Variants in STAG1 observed in about 807,000 individuals in gnomAD.
The protein encoded by STAG1 is STAG1 cohesin complex component.
Under a neutral mutation model 170.9 loss-of-function variants are expected in STAG1, and 26 were observed. That is an observed-to-expected ratio of 0.15 (90% confidence interval 0.11 to 0.21). The LOEUF (loss-of-function observed/expected upper bound fraction) is 0.21. Among genes scored for constraint, STAG1 ranks in the 10% least tolerant of loss-of-function variants. STAG1 has a pLI of 1.00. For missense variants in STAG1, 964 were observed against 1,509.5 expected, an observed-to-expected ratio of 0.64 and a Z score of 5.99; for synonymous variants, 514 against 497.7, an observed-to-expected ratio of 1.03 and a Z score of -0.44.
rs78473050 is a variant in STAG1, at chr3:136,690,111, T to C, written c.-83-59130A>G. Among the ~76,000 whole-genome samples the C allele has an allele frequency of 4.8e-3, 712 of 149,846 alleles. 6 individuals carry two copies. The highest frequency in any genetic ancestry group is 0.017 in the African/African-American group (694 of 40,564). On this transcript the variant is annotated intron_variant, in intron 1 of 33. Coordinates refer to ENST00000383202, the MANE Select transcript of STAG1 (RefSeq NM_005862.3). ...AAAAGAGAGAAAAAAGTCTAAGAGT[T>C]AGTCTAACCCTGAATGTCCAGGAAT...
chr3:136,649,067 T>C (rs940473101), intron 1 of STAG1, among the ~76,000 whole-genome samples: 4 of 152,224 alleles, frequency 2.6e-5, no homozygotes, highest in South Asian at 2.1e-4. Flanking sequence ...CTCTGTAATA[T>C]CAAATTATAT....
At chr3:136,427,847 A>ATTC (rs969073394) in intron 16 of STAG1, among the ~76,000 whole-genome samples, 6 of 152,148 alleles carry the variant, frequency 3.9e-5, no homozygotes, top group Non-Finnish European at 8.8e-5. Context: ...TATAATAACA[A>ATTC]CTTAAAGCCA....
intron 1 of STAG1, among the ~76,000 whole-genome samples, chr3:136,692,752 T>C (rs1277111098): frequency 6.6e-6 from 1 of 152,136 alleles, no homozygotes; most frequent in African/African-American, 2.4e-5. Flanking sequence ...AGAATAGAAG[T>C]CTTATAGGGG....
chr3:136,451,678 C>T (rs2088946660), intron 14 of STAG1, among the ~76,000 whole-genome samples: 1 of 151,776 alleles, frequency 6.6e-6, no homozygotes, highest in African/African-American at 2.4e-5. Flanking sequence ...CAGGACAAGC[C>T]CTTGAATCTG....
intron 2 of STAG1, among the ~76,000 whole-genome samples, chr3:136,625,737 A>C (rs1161095629): frequency 6.6e-6 from 1 of 152,162 alleles, no homozygotes; most frequent in Non-Finnish European, 1.5e-5. Context: ...ACCACTCCCC[A>C]TGATAATCTC....
rs149616246 is a variant in STAG1 at position 136,665,480 on chromosome 3, C to T, written c.-83-34499G>A. Among the ~76,000 whole-genome samples, 6 of 152,096 alleles carry T rather than the reference C, an allele frequency of 3.9e-5. No homozygotes were observed. The East Asian group carries it at 9.6e-4, about 24-fold the overall frequency. On this transcript the variant is annotated intron_variant, in intron 1 of 33. Coordinates refer to ENST00000383202, the MANE Select transcript of STAG1 (RefSeq NM_005862.3). ...GGTAGGTATGATATAATCAAACAGG[C>T]CTTTAGAAGTGAAAGAAGGCCAGGC... is the stretch of plus-strand genomic sequence containing the variant.
intron 5 of STAG1, among the ~76,000 whole-genome samples, chr3:136,553,919 G>A (rs1333885570): frequency 1.3e-5 from 2 of 152,128 alleles, no homozygotes; most frequent in Admixed American, 6.6e-5. Flanking sequence ...TAATTACAGT[G>A]ATTGTATTAA....
chr3:136,501,332 C>A (rs1933458477), intron 8 of STAG1, among the ~76,000 whole-genome samples: 1 of 151,780 alleles, frequency 6.6e-6, no homozygotes, highest in African/African-American at 2.4e-5. Context: ...CATTGAAGTT[C>A]TAACCCCTAG....
chr3:136,530,677 A>G (rs1016224373), intron 6 of STAG1, among the ~76,000 whole-genome samples: 1 of 152,230 alleles, frequency 6.6e-6, no homozygotes, highest in Non-Finnish European at 1.5e-5. Flanking sequence ...CAGTCAACGA[A>G]GAAATTAAGG....
intron 6 of STAG1, among the ~76,000 whole-genome samples, chr3:136,540,243 G>C (rs754499243): frequency 6.6e-6 from 1 of 150,588 alleles, no homozygotes; most frequent in Non-Finnish European, 1.5e-5. Context: ...AGATAAAATG[G>C]ATAGCCTCAA....
chr3:136,402,934 G>C (rs532575731), intron 21 of STAG1, among the ~76,000 whole-genome samples: 11 of 151,650 alleles, frequency 7.3e-5, no homozygotes, highest in Non-Finnish European at 1.5e-4. Context: ...GGAGGTATGA[G>C]GAATGACCTG....
intron 13 of STAG1, among the ~76,000 whole-genome samples, chr3:136,461,622 G>A (rs1051323841): frequency 2.6e-5 from 4 of 151,546 alleles, no homozygotes; most frequent in Admixed American, 6.6e-5. Flanking sequence ...GAAAACACTG[G>A]GGATTCTTAA....
chr3:136,637,677 T>C (rs962132619), intron 1 of STAG1, among the ~76,000 whole-genome samples: 1 of 152,150 alleles, frequency 6.6e-6, no homozygotes, highest in Non-Finnish European at 1.5e-5. Flanking sequence ...AGTATTCTCA[T>C]ACATCAAACT....
At chr3:136,613,334 A>AAAAAAAC (rs1442267102) in intron 3 of STAG1, among the ~76,000 whole-genome samples, 1 of 150,966 alleles carries the variant, frequency 6.6e-6, no homozygotes. Flanking sequence ...AAAAAAAAAA[A>AAAAAAAC]AGAAATCAGA....
intron 15 of STAG1, among the ~76,000 whole-genome samples, chr3:136,442,902 C>T (rs771381654): frequency 1.3e-5 from 2 of 152,034 alleles, no homozygotes; most frequent in African/African-American, 2.4e-5. Flanking sequence ...GGCATGTGCC[C>T]ATAGTCTGAG....
intron 4 of STAG1, among the ~76,000 whole-genome samples, chr3:136,599,702 T>C (rs887960093): frequency 2.0e-5 from 3 of 152,186 alleles, no homozygotes; most frequent in African/African-American, 7.2e-5. Context: ...GTCCAATAAA[T>C]GCCAATACTT....
Position 136,478,985 on chromosome 3 carries a change from A to G in STAG1, c.903-1573T>C, listed in dbSNP as rs114341835. ...AGTTACTATGAGAATAAAATCACTT[A>G]ATACAAATAGAAGACTTAGAATTCT... is the stretch of plus-strand genomic sequence containing the variant. On this transcript the variant is annotated intron_variant, in intron 9 of 33. Transcript: ENST00000383202. Among the ~76,000 whole-genome samples, 991 of 152,000 alleles carry G rather than the reference A, an allele frequency of 6.5e-3. 10 individuals are homozygous for G. Among genetic ancestry groups the G allele is most frequent in the African/African-American group, 0.023 (962 of 41,520 alleles).
intron 4 of STAG1, among the ~76,000 whole-genome samples, chr3:136,590,448 G>C (rs1037441366): frequency 6.9e-6 from 1 of 145,618 alleles, no homozygotes; most frequent in African/African-American, 2.5e-5. Flanking sequence ...AGCTGAGATC[G>C]CGCCACTGCA....
chr3:136,683,001 A>G (rs1032665340), intron 1 of STAG1, among the ~76,000 whole-genome samples: 16 of 152,234 alleles, frequency 1.1e-4, no homozygotes, highest in African/African-American at 3.4e-4. Flanking sequence ...GTTAAGCGAA[A>G]TAAGTCAGAC....
Sources: gnomAD v4.1 joint callset for allele counts (sites outside exome capture counted in the v4.1 genomes callset) on GRCh38, gnomAD v4.1.1 for gene constraint, MANE v1.5 for transcripts, NCBI Gene and HGNC (gene_info 2026-07-23, HGNC 2026-07-21) for gene names.